Variants in DOK6 observed in about 807,000 individuals in gnomAD.
DOK6 encodes the protein docking protein 6, also known as downstream of tyrosine kinase 6.
A neutral mutation model predicts 44.0 loss-of-function variants in DOK6; 22 were observed. The ratio of observed to expected loss-of-function variants is 0.50; its 90% CI spans 0.36 to 0.71. DOK6 has a LOEUF of 0.71. Ranked by LOEUF, DOK6 falls within the 30% of genes least tolerant of loss-of-function variation. The pLI is 0.00. For missense variants in DOK6, 340 were observed against 416.4 expected, an observed-to-expected ratio of 0.82 and a Z score of 1.60; for synonymous variants, 166 against 145.5, an observed-to-expected ratio of 1.14 and a Z score of -1.01.
intron 1 of DOK6, among the ~76,000 whole-genome samples, chr18:69,449,977 A>C (rs7244028): frequency 0.13 from 15,297 of 119,252 alleles, 1,195 homozygotes; most frequent in East Asian, 0.22. Context: ...GAACAGAAAA[A>C]CTGGAAACTC....
intron 1 of DOK6, among the ~76,000 whole-genome samples, chr18:69,511,986 A>G (rs1188024678): frequency 6.6e-6 from 1 of 152,082 alleles, no homozygotes; most frequent in African/African-American, 2.4e-5. Context: ...CAGTTGGATT[A>G]TGTTTGGGCA....
chr18:69,475,055 G>C (rs1980222179), intron 1 of DOK6, among the ~76,000 whole-genome samples: 1 of 151,962 alleles, frequency 6.6e-6, no homozygotes, highest in Non-Finnish European at 1.5e-5. Flanking sequence ...ATTTTGCATT[G>C]ACTTTAACAT....
At chr18:69,474,177 T>C (rs902080491) in intron 1 of DOK6, among the ~76,000 whole-genome samples, 1 of 152,138 alleles carries the variant, frequency 6.6e-6, no homozygotes, top group Non-Finnish European at 1.5e-5. Context: ...CCTTCTTTCC[T>C]CCCTCTCCTG....
chr18:69,501,459 A>G (rs2144548664), intron 1 of DOK6, among the ~76,000 whole-genome samples: 1 of 152,290 alleles, frequency 6.6e-6, no homozygotes, highest in African/African-American at 2.4e-5. Context: ...TGTCTAATCA[A>G]TCCAGCACCA....
At chr18:69,837,027 A>G (rs902715296) in intron 7 of DOK6, among the ~76,000 whole-genome samples, 1 of 152,218 alleles carries the variant, frequency 6.6e-6, no homozygotes, top group Non-Finnish European at 1.5e-5. Flanking sequence ...TGCAGTAAGA[A>G]AAATCATAAT....
chr18:69,587,831 A>G (rs894090177), intron 2 of DOK6, among the ~76,000 whole-genome samples: 3 of 151,744 alleles, frequency 2.0e-5, no homozygotes, highest in Non-Finnish European at 4.4e-5. Context: ...TTCGGCGCCT[A>G]TATTTCTATA....
intron 4 of DOK6, among the ~76,000 whole-genome samples, chr18:69,692,838 A>G (rs1461916094): frequency 2.0e-5 from 3 of 152,250 alleles, no homozygotes; most frequent in Non-Finnish European, 4.4e-5. Flanking sequence ...TAACCAGTTT[A>G]CAGCTACTGT....
Position 69,681,499 on chromosome 18 carries a change from A to G in DOK6, c.409+3646A>G, listed in dbSNP as rs184109210. 2.8e-4 allele frequency among the ~76,000 whole-genome samples: 42 copies of G among 152,288 alleles called. 1 individual carries two copies. Among genetic ancestry groups the G allele is most frequent in the African/African-American group, 9.9e-4 (41 of 41,564 alleles). ...TTTTCATATCGACCCAGAATCCCAC[A>G]TGGTATGGGGAAAGTTACATGAACA... On this transcript the variant is annotated intron_variant, in intron 4 of 7. Transcript: ENST00000382713.
intron 3 of DOK6, chr18:69,663,390 C>T (rs1313158868): frequency 6.6e-6 from 1 of 151,582 alleles, no homozygotes; most frequent in Non-Finnish European, 1.5e-5. Flanking sequence ...GTGTAATAAA[C>T]CTGCACATGT....
intron 1 of DOK6, among the ~76,000 whole-genome samples, chr18:69,481,081 C>T (rs1007804657): frequency 3.9e-5 from 6 of 152,098 alleles, no homozygotes; most frequent in Admixed American, 2.0e-4. Flanking sequence ...CAGCCAAAAC[C>T]AGCACACACC....
At chr18:69,422,932 CAG>C (rs1267588525) in intron 1 of DOK6, among the ~76,000 whole-genome samples, 13 of 152,272 alleles carry the variant, frequency 8.5e-5, no homozygotes, top group Non-Finnish European at 1.3e-4. Flanking sequence ...ATGGAAATTG[CAG>C]AGAGTCACAT....
chr18:69,627,672 A>G (rs138150367), intron 3 of DOK6, among the ~76,000 whole-genome samples: 1 of 151,980 alleles, frequency 6.6e-6, no homozygotes, highest in African/African-American at 2.4e-5. Context: ...GATGGTCTCG[A>G]TCTCCTGACC....
At position 69,555,458 on chromosome 18, in the gene DOK6, T is replaced by C. The variant is rs748867161; in HGVS notation, c.67-9029T>C. Reference sequence around the variant, plus strand: ...GAAAAGGTCAATTTTCACTTTGTTTTCAATATATTTATCCAACTATCCCAG... The same window carrying C: ...GAAAAGGTCAATTTTCACTTTGTTTCCAATATATTTATCCAACTATCCCAG... On this transcript the variant is annotated intron_variant, in intron 1 of 7. Transcript: ENST00000382713. Among the ~76,000 whole-genome samples, 28 of 152,218 alleles carry C rather than the reference T, an allele frequency of 1.8e-4. 1 individual carries two copies. The highest frequency in any genetic ancestry group is 1.0e-3 in the Admixed American group (16 of 15,276).
chr18:69,470,634 C>G (rs549828267), intron 1 of DOK6, among the ~76,000 whole-genome samples: 3 of 146,238 alleles, frequency 2.1e-5, no homozygotes, highest in East Asian at 4.5e-4. Context: ...CCTGAAGACT[C>G]TCTGCTTAGT....
chr18:69,706,655 C>T (rs1986640956), intron 5 of DOK6, among the ~76,000 whole-genome samples: 1 of 146,192 alleles, frequency 6.8e-6, no homozygotes, highest in Non-Finnish European at 1.5e-5. Context: ...AGGTATATCT[C>T]CTAATGCTAT....
chr18:69,763,526 C>T (rs1028798250), intron 7 of DOK6, among the ~76,000 whole-genome samples: 7 of 151,830 alleles, frequency 4.6e-5, no homozygotes, highest in African/African-American at 9.7e-5. Flanking sequence ...ATTTCCAAGG[C>T]GTTGGGAAAT....
chr18:69,442,385 A>G (rs936018196), intron 1 of DOK6, among the ~76,000 whole-genome samples: 4 of 152,178 alleles, frequency 2.6e-5, no homozygotes, highest in Admixed American at 2.6e-4. Flanking sequence ...GTAACTTACA[A>G]TCATGGTGGA....
chr18:69,627,716 TG>T (rs1181253423), intron 3 of DOK6, among the ~76,000 whole-genome samples: 1 of 152,192 alleles, frequency 6.6e-6, no homozygotes, highest in Admixed American at 6.5e-5. Flanking sequence ...CCCAAAGTGC[TG>T]GGATTTACAG....
At position 69,417,567 on chromosome 18, in the gene DOK6, T is replaced by C. The variant is rs554054584; in HGVS notation, c.66+16257T>C. On this transcript the variant is annotated intron_variant, in intron 1 of 7. Transcript: ENST00000382713. ...TTTGATATACTGATTTCCTTTCTTT[T>C]GTATATATACCCAGAGATGGGATTG... 2.0e-5 allele frequency among the ~76,000 whole-genome samples: 3 copies of C among 152,294 alleles called. No homozygotes were observed. In the East Asian group the frequency reaches 5.8e-4, roughly 29 times the overall value.
Sources: gnomAD v4.1 joint callset for allele counts (sites outside exome capture counted in the v4.1 genomes callset) on GRCh38, gnomAD v4.1.1 for gene constraint, MANE v1.5 for transcripts, NCBI Gene and HGNC (gene_info 2026-07-23, HGNC 2026-07-21) for gene names.